Variants in NSFL1C observed in about 807,000 individuals in gnomAD.
The protein encoded by NSFL1C is NSFL1 cofactor p47.
Under a neutral mutation model 43.1 loss-of-function variants are expected in NSFL1C, and 14 were observed. The observed-to-expected ratio is 0.32, with a 90% confidence interval of 0.21 to 0.51. The LOEUF (loss-of-function observed/expected upper bound fraction) is 0.51, where lower values mean the gene tolerates loss of function less well. Ranked by LOEUF, NSFL1C falls within the 20% of genes least tolerant of loss-of-function variation. The pLI, the probability that NSFL1C is intolerant of heterozygous loss-of-function variation, is 0.98. For synonymous variants in NSFL1C, 171 were observed against 183.5 expected (o/e 0.93, Z 0.55); for missense variants, 406 against 472.5 (o/e 0.86, Z 1.30).
intron 1 of NSFL1C, among the ~76,000 whole-genome samples, chr20:1,466,281 G>A (rs935988173): frequency 2.0e-5 from 3 of 152,216 alleles, no homozygotes; most frequent in Non-Finnish European, 4.4e-5. Flanking sequence ...CCAGCAATTA[G>A]GAAGGCTGGG....
intron 3 of NSFL1C, chr20:1,455,758 T>G (rs776911789): frequency 1.3e-6 from 1 of 779,228 alleles, no homozygotes; most frequent in Non-Finnish European, 2.4e-6. Flanking sequence ...AGCAGATGTA[T>G]GCAAAAGAAC....
Position 1,443,561 on chromosome 20 carries a change from C to A in NSFL1C, c.*188G>T. ...TTTCATTAAAGTCCATTGATCATCA[C>A]AAAAACCCAGGAAATGCAACTAAGG... On this transcript the variant is annotated 3_prime_UTR_variant, in exon 9 of 9. Coordinates refer to ENST00000216879, the MANE Select transcript of NSFL1C (RefSeq NM_016143.5). The A allele has an allele frequency of 1.9e-6, 1 of 518,542 alleles. No individual in the cohort carries two copies. 32.1% of individuals were successfully genotyped at this position (518,542 alleles called of 1,614,324 possible). A position where few individuals can be genotyped will look rare whatever the true frequency, so the allele number is the denominator to read the frequency against.
At chr20:1,466,614 T>C in intron 1 of NSFL1C, 106 bp downstream of exon 1, 1 of 1,097,310 alleles carries the variant, frequency 9.1e-7, no homozygotes, top group Admixed American at 2.3e-5. Context: ...CGGGCCGCGG[T>C]AGAGCGGGGA....
At chr20:1,462,051 C>T (rs189700083) in intron 2 of NSFL1C, among the ~76,000 whole-genome samples, 80 of 152,260 alleles carry the variant, frequency 5.3e-4, no homozygotes, top group African/African-American at 1.8e-3. Context: ...TAATAGAGAC[C>T]TTCTCACGCT....
At position 1,459,210 on chromosome 20, in the gene NSFL1C, TGGA is replaced by T. The variant is rs372667446; in HGVS notation, c.204-939_204-937del. ...CATGTTGAATTGTAATTCCCAGTGT[TGGA>T]GGAGGGACCTGGATCATGCAGGTGG... On this transcript the variant is annotated intron_variant, in intron 2 of 8. Transcript: ENST00000216879. Among the ~76,000 whole-genome samples the T allele has an allele frequency of 6.6e-3, 1,012 of 152,294 alleles. 13 individuals are homozygous for T. Among genetic ancestry groups the T allele is most frequent in the African/African-American group, 0.024 (982 of 41,556 alleles).
chr20:1,455,044 A>G lies in NSFL1C; in HGVS notation c.367T>C (p.Phe123Leu). 1 of 1,614,160 alleles carries G rather than the reference A, an allele frequency of 6.2e-7. No individual in the cohort carries two copies. Among genetic ancestry groups the G allele is most frequent in the South Asian group, 1.1e-5 (1 of 91,072 alleles). The change falls in exon 4 of 9, where the codon TTT becomes CTT. Residue 123 changes from phenylalanine (F) to leucine (L), a missense_variant. This residue lies in a region of NSFL1C where 203 missense variants were observed against 216.3 expected (regional missense o/e 0.94). Transcript: ENST00000216879. Reference sequence around the variant, plus strand: ...GCTCCATGCTCTTTGGCACCTTTAAAGAGATCATCCACCAGCTCGTTGGGA... The same window carrying G: ...GCTCCATGCTCTTTGGCACCTTTAAGGAGATCATCCACCAGCTCGTTGGGA... ...KSPNELVDDL[F>L]KGAKEHGAVA...
intron 7 of NSFL1C, among the ~76,000 whole-genome samples, chr20:1,447,983 T>A (rs2090101111): frequency 6.6e-6 from 1 of 152,210 alleles, no homozygotes; most frequent in South Asian, 2.1e-4. Flanking sequence ...ATATATTCTG[T>A]GTATTCCCAC....
In NSFL1C at chr20:1,455,137, G is replaced by A; in HGVS notation, c.279-5C>T. The A allele has an allele frequency of 6.2e-7, 1 of 1,614,166 alleles. No individual in the cohort carries two copies. The highest frequency in any genetic ancestry group is 2.2e-5 in the East Asian group (1 of 44,886). ...TCTGAGCCCCCAGCATAAAACCTGT[G>A]TACAAAATACACCTCTAACATGAAA... On this transcript the variant is annotated splice_region_variant and splice_polypyrimidine_tract_variant and intron_variant, in intron 3 of 8. Transcript: ENST00000216879.
At chr20:1,452,741 C>T in intron 6 of NSFL1C, 111 bp from the exon 7 acceptor site, 1 of 1,357,980 alleles carries the variant, frequency 7.4e-7, no homozygotes, top group Non-Finnish European at 1.0e-6. Context: ...CGCTGGGCCT[C>T]CAAAGGGAGC....
intron 8 of NSFL1C, among the ~76,000 whole-genome samples, chr20:1,444,120 C>T (rs937645053): frequency 3.9e-5 from 6 of 152,212 alleles, no homozygotes; most frequent in African/African-American, 1.4e-4. Context: ...ACCAACAACC[C>T]TACTGTGTTC....
intron 7 of NSFL1C, among the ~76,000 whole-genome samples, chr20:1,448,716 C>A (rs1054183383): frequency 6.6e-6 from 1 of 152,178 alleles, no homozygotes; most frequent in East Asian, 1.9e-4. Flanking sequence ...ACAGGCTTAA[C>A]CCCCAGCCTA....
intron 7 of NSFL1C, among the ~76,000 whole-genome samples, chr20:1,449,386 G>A (rs112795308): frequency 2.0e-5 from 3 of 152,218 alleles, no homozygotes; most frequent in African/African-American, 7.2e-5. Flanking sequence ...TGCTCTCAAG[G>A]AGGATGGGGA....
In NSFL1C at chr20:1,464,371, G is replaced by A. The variant is rs756406410; in HGVS notation, c.161C>T (p.Ser54Leu). 10 of 1,614,130 alleles carry A rather than the reference G, an allele frequency of 6.2e-6. No homozygotes were observed. The highest frequency in any genetic ancestry group is 2.7e-5 in the African/African-American group (2 of 74,944). ...GGACACTGAACTGGGGGTTGCCTGC[G>A]AAATGGTCACAATGTCTTCATCCCC... Reference protein sequence around the residue: ...DGGDEDIVTISQATPSSVSRG... With the variant: ...DGGDEDIVTILQATPSSVSRG... The change falls in exon 2 of 9, where the codon TCG becomes TTG. Residue 54 changes from serine to leucine, a missense_variant. Physicochemically the swap from Ser to Leu is moderately radical, Grantham distance 145. Transcript: ENST00000216879.
At chr20:1,448,099 T>C (rs374386561) in intron 7 of NSFL1C, among the ~76,000 whole-genome samples, 1 of 152,344 alleles carries the variant, frequency 6.6e-6, no homozygotes, top group East Asian at 1.9e-4. Context: ...TCCTCACTTA[T>C]GAGCTGATGA....
In NSFL1C at chr20:1,464,324, C is replaced by T; in HGVS notation, c.203+5G>A. On this transcript the variant is annotated splice_donor_5th_base_variant and intron_variant, in intron 2 of 8. Coordinates refer to ENST00000216879, the MANE Select transcript of NSFL1C (RefSeq NM_016143.5). ...CATGTAGCGATAATTGAAGCTGGCC[C>T]TTACCTGGGGGCTGTGCCTCTGGAC... is the stretch of plus-strand genomic sequence containing the variant. 1 of 1,613,576 alleles carries T rather than the reference C, an allele frequency of 6.2e-7. No individual in the cohort carries two copies. Among genetic ancestry groups the T allele is most frequent in the South Asian group, 1.1e-5 (1 of 91,068 alleles).
intron 4 of NSFL1C, among the ~76,000 whole-genome samples, 169 bp downstream of exon 4, chr20:1,454,798 C>T (rs2090261080): frequency 6.6e-6 from 1 of 152,194 alleles, no homozygotes; most frequent in African/African-American, 2.4e-5. Flanking sequence ...TGCCCCAAAT[C>T]TTGGTTTCAC....
chr20:1,455,778 G>C (rs1392716746), intron 3 of NSFL1C: 1 of 778,406 alleles, frequency 1.3e-6, no homozygotes, highest in Non-Finnish European at 2.4e-6. Context: ...CAAGCACAGA[G>C]TAATGCACAC....
At chr20:1,453,526 T>C (rs1444261257) in intron 5 of NSFL1C, among the ~76,000 whole-genome samples, 1 of 152,182 alleles carries the variant, frequency 6.6e-6, no homozygotes, top group Non-Finnish European at 1.5e-5. Context: ...TCATTAAAAA[T>C]GTTATCTACA....
At chr20:1,443,989 C>T (rs958635128) in intron 8 of NSFL1C, 78 bp from the exon 9 acceptor site, 30 of 1,427,756 alleles carry the variant, frequency 2.1e-5, no homozygotes, top group African/African-American at 8.4e-5. Context: ...CTAAACACCT[C>T]GCAAATCCCC....
Sources: allele counts gnomAD v4.1 joint callset (sites outside exome capture counted in the v4.1 genomes callset), GRCh38; gene constraint gnomAD v4.1.1; regional missense constraint gnomAD v4.1.1; transcripts MANE v1.5; gene names NCBI Gene and HGNC (gene_info 2026-07-23, HGNC 2026-07-21).